Variants in RSBN1L observed in about 807,000 individuals in gnomAD.
The protein encoded by RSBN1L is lysine-specific demethylase RSBN1L.
In RSBN1L, 30 loss-of-function variants were observed where a neutral mutation model predicts 67.7. The ratio of observed to expected loss-of-function variants is 0.44; its 90% CI spans 0.33 to 0.60. RSBN1L has a LOEUF of 0.60. RSBN1L is among the 20% of genes least tolerant of loss of function. The pLI is 0.02. For synonymous variants in RSBN1L, 433 were observed against 387.0 expected (o/e 1.12, Z -1.39); for missense variants, 992 against 1,031.7 (o/e 0.96, Z 0.53).
At position 77,782,858 on chromosome 7, in the gene RSBN1L, G is replaced by A. The variant is rs980228282; in HGVS notation, c.*3690G>A. The A allele has an allele frequency of 1.3e-5, 2 of 151,988 alleles. No homozygotes were observed. The highest frequency in any genetic ancestry group is 1.5e-5 in the Non-Finnish European group (1 of 68,002). 9.4% of individuals were successfully genotyped at this position (151,988 alleles called of 1,614,324 possible). On this transcript the variant is annotated 3_prime_UTR_variant, in exon 8 of 8. Coordinates refer to ENST00000334955, the MANE Select transcript of RSBN1L (RefSeq NM_198467.3). ...TTTTTGTAAATAATAAACTAGCACC[G>A]TTTGGGTAAATTTGCATTATTTTTT...
chr7:77,696,476 G>A lies in RSBN1L; in HGVS notation c.7G>A (p.Glu3Lys). ...AATACAACAGGAGCGCAAAATGGCG[G>A]AACCGCCGAGCCCCGTGCACTGTGT... MA[E>K]PPSPVHCVAA... Residue 3 changes from glutamate (E) to lysine (K), a missense_variant, in exon 1 of 8, where the codon GAA (glutamate) becomes AAA (lysine). Glu to Lys is a moderately conservative substitution (Grantham distance 56, BLOSUM62 1). Coordinates refer to ENST00000334955, the MANE Select transcript of RSBN1L (RefSeq NM_198467.3). The A allele has an allele frequency of 6.2e-7, 1 of 1,605,990 alleles. No individual in the cohort carries two copies. Among genetic ancestry groups the A allele is most frequent in the Non-Finnish European group, 8.5e-7 (1 of 1,175,570 alleles).
Position 77,749,409 on chromosome 7 carries a change from C to T in RSBN1L, c.704-15C>T. On this transcript the variant is annotated splice_polypyrimidine_tract_variant and intron_variant, in intron 2 of 7. Coordinates refer to ENST00000334955, the MANE Select transcript of RSBN1L (RefSeq NM_198467.3). ...AATTAAAATATGGAGTTTCAAAAAA[C>T]ATTTTTTCCAACAGGTGGGAAGGAG... 6.6e-7 allele frequency: 1 copy of T among 1,506,934 alleles called. No homozygotes were observed. Among genetic ancestry groups the T allele is most frequent in the Non-Finnish European group, 8.9e-7 (1 of 1,129,898 alleles). 93.3% of individuals were successfully genotyped at this position (1,506,934 alleles called of 1,614,324 possible).
intron 5 of RSBN1L, among the ~76,000 whole-genome samples, chr7:77,769,098 T>C (rs1791812255): frequency 6.6e-6 from 1 of 152,172 alleles, no homozygotes; most frequent in Admixed American, 6.5e-5. Context: ...AAGACTAAAA[T>C]GTTTTGTGGA....
intron 1 of RSBN1L, among the ~76,000 whole-genome samples, chr7:77,701,901 C>T (rs756757740): frequency 5.9e-5 from 9 of 152,124 alleles, no homozygotes; most frequent in Non-Finnish European, 1.0e-4. Context: ...GGTCTGTCTG[C>T]CTTGGCCTCC....
At chr7:77,754,332 T>C (rs1354573491) in intron 3 of RSBN1L, among the ~76,000 whole-genome samples, 1 of 152,242 alleles carries the variant, frequency 6.6e-6, no homozygotes, top group African/African-American at 2.4e-5. Context: ...TGCTAGAATA[T>C]TGCTTAGTAT....
At chr7:77,712,316 T>G (rs145208537) in intron 1 of RSBN1L, among the ~76,000 whole-genome samples, 84 of 151,902 alleles carry the variant, frequency 5.5e-4, no homozygotes, top group African/African-American at 1.9e-3. Context: ...GGAGTTTCGC[T>G]CTGTTATCCA....
At chr7:77,718,478 A>G (rs535109092) in intron 1 of RSBN1L, among the ~76,000 whole-genome samples, 6 of 152,052 alleles carry the variant, frequency 3.9e-5, no homozygotes, top group African/African-American at 1.2e-4. Flanking sequence ...TTTTATAGAG[A>G]TGAGGTTTTA....
chr7:77,779,741 A>T lies in RSBN1L; in HGVS notation c.*573A>T, dbSNP rs1018333864. On this transcript the variant is annotated 3_prime_UTR_variant, in exon 8 of 8. Coordinates refer to ENST00000334955, the MANE Select transcript of RSBN1L (RefSeq NM_198467.3). ...ATAATGATTCTCTGCTGGTATATCT[A>T]TTTAGTGTGGTATTGTAGTGCAAAT... 2 of 151,134 alleles carry T rather than the reference A, an allele frequency of 1.3e-5. No homozygotes were observed. Among genetic ancestry groups the T allele is most frequent in the Admixed American group, 1.3e-4 (2 of 15,156 alleles). The allele number at this position is 151,134 out of a possible 1,614,324, so 9.4% of individuals were successfully genotyped here.
At chr7:77,725,934 T>A (rs1791197703) in intron 1 of RSBN1L, among the ~76,000 whole-genome samples, 1 of 152,130 alleles carries the variant, frequency 6.6e-6, no homozygotes, top group Non-Finnish European at 1.5e-5. Flanking sequence ...ATATATGCCT[T>A]TTTCTGTAAC....
Position 77,778,694 on chromosome 7 carries a change from G to A in RSBN1L, c.2067G>A (p.Arg689=). ...SAVCSLAWHI[R]LKLYHSEEDT... ...TATGCAGTTTAGCATGGCATATTCG[G>A]CTCAAATTATATCACTCAGAGGAGG... The change falls in exon 8 of 8, where the codon CGG becomes CGA. Residue 689 remains arginine, a synonymous_variant. Coordinates refer to ENST00000334955, the MANE Select transcript of RSBN1L (RefSeq NM_198467.3). 1 of 1,613,972 alleles carries A rather than the reference G, an allele frequency of 6.2e-7. No individual in the cohort carries two copies.
intron 4 of RSBN1L, 39 bp downstream of exon 4, chr7:77,765,671 T>TA (rs202086628): frequency 2.6e-5 from 36 of 1,401,830 alleles, no homozygotes; most frequent in African/African-American, 7.3e-5. Context: ...GTTTTTTTTT[T>TA]AAAAAAGGGA....
chr7:77,711,912 G>A lies in RSBN1L; in HGVS notation c.586+14857G>A, dbSNP rs986814940. ...GACTGAGAATCAGGAGGCCTTAGGA[G>A]CAAATTCTTGCCCTACCACCCATTT... On this transcript the variant is annotated intron_variant, in intron 1 of 7. Coordinates refer to ENST00000334955, the MANE Select transcript of RSBN1L (RefSeq NM_198467.3). Among the ~76,000 whole-genome samples, 4 of 152,294 alleles carry A rather than the reference G, an allele frequency of 2.6e-5. No individual in the cohort carries two copies. In the East Asian group the frequency reaches 7.7e-4, roughly 29 times the overall value.
chr7:77,719,192 A>C (rs1373706775), intron 1 of RSBN1L, among the ~76,000 whole-genome samples: 1 of 152,196 alleles, frequency 6.6e-6, no homozygotes, highest in East Asian at 1.9e-4. Flanking sequence ...TTTCACTTGG[A>C]GCACATTCCA....
At position 77,778,978 on chromosome 7, in the gene RSBN1L, A is replaced by G. The variant is rs138843785; in HGVS notation, c.2351A>G (p.Lys784Arg). ...ACAGCACTGAATAATATGGATGGCA[A>G]GAATGTTAAAGCAAAATTGGATCAT... ...KTTALNNMDG[K>R]NVKAKLDHVQ... Residue 784 changes from lysine to arginine, a missense_variant, in exon 8 of 8, where the codon AAG becomes AGG. By Grantham distance (26) the Lys-to-Arg change is conservative (BLOSUM62 2). Transcript: ENST00000334955. 1.1e-4 allele frequency: 173 copies of G among 1,614,070 alleles called. No individual in the cohort carries two copies. The African/African-American group carries it at 1.8e-3, about 17-fold the overall frequency.
chr7:77,710,573 C>T (rs1423797674), intron 1 of RSBN1L, among the ~76,000 whole-genome samples: 1 of 151,940 alleles, frequency 6.6e-6, no homozygotes, highest in Non-Finnish European at 1.5e-5. Flanking sequence ...CTTATCCTGA[C>T]TTTCTTTGCT....
At position 77,697,179 on chromosome 7, in the gene RSBN1L, C is replaced by T. The variant is rs367612141; in HGVS notation, c.586+124C>T. ...GCGCCGGCCTGGAGGGGCTGGGAGG[C>T]GTCCGGTTTTCAGCAGAGGATTTTG... On this transcript the variant is annotated intron_variant, in intron 1 of 7. Transcript: ENST00000334955. 5.2e-5 allele frequency: 57 copies of T among 1,094,820 alleles called. No homozygotes were observed. In the African/African-American group the frequency reaches 8.2e-4, roughly 16 times the overall value. 67.8% of individuals were successfully genotyped at this position (1,094,820 alleles called of 1,614,324 possible). A position where few individuals can be genotyped will look rare whatever the true frequency, so the allele number is the denominator to read the frequency against.
chr7:77,768,747 A>G lies in RSBN1L; in HGVS notation c.1569A>G (p.Pro523=), dbSNP rs1562809608. 2 of 1,614,124 alleles carry G rather than the reference A, an allele frequency of 1.2e-6. No individual in the cohort carries two copies. Among genetic ancestry groups the G allele is most frequent in the Non-Finnish European group, 1.7e-6 (2 of 1,179,986 alleles). Residue 523 remains proline, a synonymous_variant, in exon 5 of 8, where the codon CCA becomes CCG. Coordinates refer to ENST00000334955, the MANE Select transcript of RSBN1L (RefSeq NM_198467.3). The stretch of plus-strand genomic sequence containing the variant: ...ATGGTCCCATCATGTGGGTTCGTCC[A>G]GGAGAACAAATGATCCCTGTGGCTG... The part of the protein sequence containing the change: ...SDDGPIMWVR[P]GEQMIPVADM...
intron 4 of RSBN1L, among the ~76,000 whole-genome samples, chr7:77,767,712 C>T (rs1421840804): frequency 1.4e-5 from 2 of 141,974 alleles, no homozygotes; most frequent in Non-Finnish European, 3.1e-5. Flanking sequence ...CCCTTCACCT[C>T]TGTCTCTCGC....
intron 3 of RSBN1L, among the ~76,000 whole-genome samples, chr7:77,762,402 A>G (rs768961653): frequency 6.6e-6 from 1 of 152,154 alleles, no homozygotes; most frequent in Non-Finnish European, 1.5e-5. Context: ...TATTCAGTCT[A>G]TTATGTTAAA....
Sources: gnomAD v4.1 joint callset for allele counts (sites outside exome capture counted in the v4.1 genomes callset) on GRCh38, gnomAD v4.1.1 for gene constraint, MANE v1.5 for transcripts, NCBI Gene and HGNC (gene_info 2026-07-23, HGNC 2026-07-21) for gene names.